MAMDC2: variants seen among roughly 807,000 people sequenced by gnomAD.
MAMDC2 encodes MAM domain-containing protein 2.
MAMDC2 carries 57 observed loss-of-function variants against 89.8 expected under a neutral mutation model. The ratio of observed to expected loss-of-function variants is 0.63; its 90% CI spans 0.51 to 0.79. The LOEUF is 0.79. Among genes scored for constraint, MAMDC2 ranks in the 30% least tolerant of loss-of-function variants. MAMDC2 has a pLI of 0.00. For missense variants in MAMDC2, 800 were observed against 820.6 expected, an observed-to-expected ratio of 0.97 and a Z score of 0.31; for synonymous variants, 313 against 293.4, an observed-to-expected ratio of 1.07 and a Z score of -0.68.
At chr9:70,175,056 G>A (rs2032454595) in intron 11 of MAMDC2, among the ~76,000 whole-genome samples, 1 of 152,126 alleles carries the variant, frequency 6.6e-6, no homozygotes, top group Non-Finnish European at 1.5e-5. Flanking sequence ...ATTTCAAATG[G>A]AAAGTCACTA....
At chr9:70,109,837 G>C (rs1458227223) in intron 4 of MAMDC2, 33 bp downstream of exon 4, 1 of 1,561,974 alleles carries the variant, frequency 6.4e-7, no homozygotes, top group South Asian at 1.1e-5. Context: ...AAATCAAATT[G>C]TGAATCTTTT....
intron 11 of MAMDC2, among the ~76,000 whole-genome samples, chr9:70,206,097 A>G (rs1324844299): frequency 6.6e-6 from 1 of 152,122 alleles, no homozygotes; most frequent in African/African-American, 2.4e-5. Context: ...TGTCTACATT[A>G]CTCTACATAG....
chr9:70,166,276 T>TACACACACAC (rs567995952), intron 9 of MAMDC2, among the ~76,000 whole-genome samples: 201 of 139,152 alleles, frequency 1.4e-3, no homozygotes, highest in African/African-American at 4.4e-3. Flanking sequence ...TATATATATA[T>TACACACACAC]ACACACACAC....
At chr9:70,109,992 G>A (rs1279428483) in intron 4 of MAMDC2, among the ~76,000 whole-genome samples, 188 bp downstream of exon 4, 2 of 152,156 alleles carry the variant, frequency 1.3e-5, no homozygotes, top group Non-Finnish European at 2.9e-5. Flanking sequence ...GTGTGGGAAG[G>A]CTCATTAGAA....
chr9:70,191,672 G>A (rs530874599), intron 11 of MAMDC2, among the ~76,000 whole-genome samples: 4 of 152,164 alleles, frequency 2.6e-5, no homozygotes, highest in African/African-American at 9.6e-5. Context: ...GCTAACCTGA[G>A]GTAGTGTTGT....
At chr9:70,099,985 AG>A (rs1828128992) in intron 2 of MAMDC2, among the ~76,000 whole-genome samples, 1 of 53,634 alleles carries the variant, frequency 1.9e-5, no homozygotes. Flanking sequence ...AAAGAAAGAG[AG>A]AGAGAGAGAG....
At position 70,108,377 on chromosome 9, in the gene MAMDC2, A is replaced by G. The variant is rs759263363; in HGVS notation, c.315A>G (p.Arg105=). ...CCAGCCAGCTGAACCTCTACATGAG[A>G]TTTGAAGATGAAAGCTTTGATCGCT... ...SDPSQLNLYM[R]FEDESFDRLL... The change falls in exon 3 of 14, where the codon AGA becomes AGG. Residue 105 remains arginine, a synonymous_variant. Transcript: ENST00000377182. 6 of 1,613,982 alleles carry G rather than the reference A, an allele frequency of 3.7e-6. No individual in the cohort carries two copies. Among genetic ancestry groups the G allele is most frequent in the Non-Finnish European group, 4.2e-6 (5 of 1,179,984 alleles).
Position 70,044,648 on chromosome 9 carries a change from C to G in MAMDC2, c.99C>G (p.Cys33Trp). The change falls in exon 2 of 14, where the codon TGC becomes TGG. Residue 33 changes from cysteine (C) to tryptophan (W), a missense_variant. Cys to Trp is a radical substitution (Grantham distance 215). Transcript: ENST00000377182. ...AGSCAFEEST[C>W]GFDSVLASLP... ...CCTGTGCCTTTGAAGAGAGCACTTG[C>G]GGCTTTGACTCCGTGTTGGCCTCTC... 2 of 1,551,604 alleles carry G rather than the reference C, an allele frequency of 1.3e-6. No homozygotes were observed. The highest frequency in any genetic ancestry group is 1.7e-6 in the Non-Finnish European group (2 of 1,146,972).
At chr9:70,076,509 G>A (rs138234167) in intron 2 of MAMDC2, among the ~76,000 whole-genome samples, 39 of 152,196 alleles carry the variant, frequency 2.6e-4, no homozygotes, top group African/African-American at 8.4e-4. Flanking sequence ...AAAGAAAAAC[G>A]TCTTATTCCA....
At chr9:70,082,632 G>A (rs1587453844) in intron 2 of MAMDC2, 2 of 152,122 alleles carry the variant, frequency 1.3e-5, no homozygotes, top group Admixed American at 6.6e-5. Context: ...CTTATAATCC[G>A]ATAAATTAAA....
At chr9:70,133,522 TG>T (rs1313834114) in intron 7 of MAMDC2, among the ~76,000 whole-genome samples, 1 of 152,232 alleles carries the variant, frequency 6.6e-6, no homozygotes, top group Non-Finnish European at 1.5e-5. Flanking sequence ...GTCTCCATAC[TG>T]ATCTTCAGAA....
At chr9:70,077,399 A>G (rs1161087515) in intron 2 of MAMDC2, among the ~76,000 whole-genome samples, 1 of 152,210 alleles carries the variant, frequency 6.6e-6, no homozygotes, top group East Asian at 1.9e-4. Flanking sequence ...GCTTTCTGTG[A>G]TAATAGAAAT....
intron 11 of MAMDC2, among the ~76,000 whole-genome samples, chr9:70,178,929 A>G (rs1474006614): frequency 1.3e-5 from 2 of 152,156 alleles, no homozygotes; most frequent in African/African-American, 4.8e-5. Flanking sequence ...GCAGCTTTCG[A>G]AGAACTGTAA....
chr9:70,143,923 G>A, intron 9 of MAMDC2, 104 bp downstream of exon 9: 1 of 1,392,938 alleles, frequency 7.2e-7, no homozygotes, highest in Non-Finnish European at 9.9e-7. Context: ...TTTTCCTTCT[G>A]TTCAGGCCTA....
chr9:70,209,104 G>A (rs1330920941), intron 11 of MAMDC2, among the ~76,000 whole-genome samples: 4 of 152,096 alleles, frequency 2.6e-5, no homozygotes, highest in Admixed American at 1.3e-4. Context: ...TTTTTGTTGC[G>A]TCTCTGCCAG....
intron 9 of MAMDC2, among the ~76,000 whole-genome samples, chr9:70,154,799 A>AC (rs1170784548): frequency 1.3e-5 from 2 of 152,168 alleles, no homozygotes; most frequent in Non-Finnish European, 2.9e-5. Context: ...GGCGTGAGCC[A>AC]CCGTGCTTGG....
chr9:70,210,750 T>A (rs1001778385), intron 11 of MAMDC2, among the ~76,000 whole-genome samples: 3 of 152,192 alleles, frequency 2.0e-5, no homozygotes, highest in African/African-American at 4.8e-5. Flanking sequence ...ATTTGGCATG[T>A]TTTTGCAGTG....
intron 11 of MAMDC2, among the ~76,000 whole-genome samples, chr9:70,190,163 T>C (rs1563993052): frequency 6.6e-6 from 1 of 152,174 alleles, no homozygotes; most frequent in Admixed American, 6.5e-5. Context: ...GTGTGTCTCA[T>C]AATTTTTGCT....
At chr9:70,155,105 G>C (rs1386353979) in intron 9 of MAMDC2, among the ~76,000 whole-genome samples, 2 of 152,080 alleles carry the variant, frequency 1.3e-5, no homozygotes, top group African/African-American at 4.8e-5. Context: ...ACCCAGGGTA[G>C]CTTTCATCTT....
Sources: gnomAD v4.1 joint callset for allele counts (sites outside exome capture counted in the v4.1 genomes callset) on GRCh38, gnomAD v4.1.1 for gene constraint, MANE v1.5 for transcripts, NCBI Gene and HGNC (gene_info 2026-07-23, HGNC 2026-07-21) for gene names.